The following CHCHD3 variants were observed in gnomAD, a reference collection of about 807,000 sequenced individuals.
The protein encoded by CHCHD3 is coiled-coil-helix-coiled-coil-helix domain containing 3, also known as MICOS complex subunit MIC19.
A neutral mutation model predicts 38.2 loss-of-function variants in CHCHD3; 20 were observed. That is an observed-to-expected ratio of 0.52 (90% CI 0.37 to 0.76). CHCHD3 has a LOEUF of 0.76. Among genes scored for constraint, CHCHD3 ranks in the 30% least tolerant of loss-of-function variants. The probability of loss-of-function intolerance (pLI) is 0.00; values close to 1 mark genes in which losing one functional copy is unlikely to be tolerated. For synonymous variants in CHCHD3, 82 were observed against 100.0 expected, an observed-to-expected ratio of 0.82 and a Z score of 1.07; for missense variants, 245 against 279.2, an observed-to-expected ratio of 0.88 and a Z score of 0.87.
intron 4 of CHCHD3, among the ~76,000 whole-genome samples, chr7:132,965,564 T>C (rs1274775081): frequency 6.6e-6 from 1 of 152,178 alleles, no homozygotes; most frequent in African/African-American, 2.4e-5. Flanking sequence ...TGTGATGCCT[T>C]TGGGGCTCAG....
intron 4 of CHCHD3, among the ~76,000 whole-genome samples, chr7:132,960,057 T>C (rs747661187): frequency 6.6e-6 from 1 of 152,172 alleles, no homozygotes. Context: ...GCAGCAACCT[T>C]TGTTGCAATC....
chr7:133,030,012 G>GAA (rs201845501), intron 2 of CHCHD3, among the ~76,000 whole-genome samples: 1 of 136,394 alleles, frequency 7.3e-6, no homozygotes, highest in African/African-American at 2.7e-5. Context: ...TCCAGAAAAG[G>GAA]AAAAAAAAAA....
At chr7:133,004,551 T>C (rs1812652060) in intron 3 of CHCHD3, among the ~76,000 whole-genome samples, 1 of 152,152 alleles carries the variant, frequency 6.6e-6, no homozygotes, top group Non-Finnish European at 1.5e-5. Context: ...TGGTAGAAAC[T>C]CAGCTTTCTG....
intron 5 of CHCHD3, among the ~76,000 whole-genome samples, chr7:132,845,467 A>C (rs1808054688): frequency 6.6e-6 from 1 of 152,202 alleles, no homozygotes; most frequent in South Asian, 2.1e-4. Context: ...CTGTTCCTTA[A>C]GACGGATGGG....
At chr7:132,969,850 C>A (rs1221440952) in intron 4 of CHCHD3, among the ~76,000 whole-genome samples, 4 of 152,152 alleles carry the variant, frequency 2.6e-5, no homozygotes, top group African/African-American at 7.2e-5. Context: ...ACTAAATGGA[C>A]CCCCTCTTGG....
chr7:132,787,875 G>A (rs1355419688), intron 7 of CHCHD3, among the ~76,000 whole-genome samples: 1 of 152,122 alleles, frequency 6.6e-6, no homozygotes, highest in Non-Finnish European at 1.5e-5. Flanking sequence ...CATACAGGAG[G>A]TAAATTAGAA....
chr7:133,017,425 T>A (rs1813059013), intron 3 of CHCHD3, among the ~76,000 whole-genome samples: 1 of 152,214 alleles, frequency 6.6e-6, no homozygotes, highest in Admixed American at 6.5e-5. Context: ...ACTGAGTACA[T>A]TAAAACTCCA....
At chr7:132,932,496 C>T (rs149442724) in intron 4 of CHCHD3, among the ~76,000 whole-genome samples, 1 of 152,306 alleles carries the variant, frequency 6.6e-6, no homozygotes, top group East Asian at 1.9e-4. Flanking sequence ...CCCTGGAAGG[C>T]ACTGCTTATT....
intron 4 of CHCHD3, among the ~76,000 whole-genome samples, chr7:132,926,288 G>C (rs1338100514): frequency 6.6e-6 from 1 of 152,196 alleles, no homozygotes; most frequent in African/African-American, 2.4e-5. Context: ...GGGGTAGCAA[G>C]GAGAATAGCT....
At chr7:132,892,968 C>A (rs1809402821) in intron 4 of CHCHD3, among the ~76,000 whole-genome samples, 1 of 152,226 alleles carries the variant, frequency 6.6e-6, no homozygotes, top group Admixed American at 6.5e-5. Context: ...TAGGGCAGTG[C>A]AGAAGGGAAA....
intron 4 of CHCHD3, among the ~76,000 whole-genome samples, chr7:132,929,952 C>A (rs560280555): frequency 1.4e-4 from 22 of 152,282 alleles, no homozygotes; most frequent in African/African-American, 5.1e-4. Context: ...TTTGGATTTA[C>A]TCTGTGAGAA....
intron 4 of CHCHD3, among the ~76,000 whole-genome samples, chr7:132,933,161 T>C (rs1164488409): frequency 2.6e-5 from 4 of 152,206 alleles, no homozygotes; most frequent in Non-Finnish European, 5.9e-5. Context: ...AGAACAGTTA[T>C]TTTGCATCAA....
chr7:132,957,073 G>A (rs1811192920), intron 4 of CHCHD3, among the ~76,000 whole-genome samples: 2 of 152,130 alleles, frequency 1.3e-5, no homozygotes, highest in African/African-American at 4.8e-5. Flanking sequence ...CTTGTTCTCT[G>A]TTCAGCAATC....
Position 133,041,208 on chromosome 7 carries a change from GAT to G in CHCHD3, c.170-16583_170-16582del, listed in dbSNP as rs1813828485. Among the ~76,000 whole-genome samples the G allele has an allele frequency of 2.0e-5, 3 of 152,274 alleles. No individual in the cohort carries two copies. The East Asian group carries it at 5.8e-4, about 29-fold the overall frequency. ...AATTATACAAGTATCCAGGTAATAA[GAT>G]TGTTGTGAGAATTATATCACCTTCT... On this transcript the variant is annotated intron_variant, in intron 2 of 7. Coordinates refer to ENST00000262570, the MANE Select transcript of CHCHD3 (RefSeq NM_017812.4).
chr7:133,046,035 A>T (rs1317964827), intron 2 of CHCHD3, among the ~76,000 whole-genome samples: 1 of 152,196 alleles, frequency 6.6e-6, no homozygotes, highest in Non-Finnish European at 1.5e-5. Context: ...ATTTCTTTAT[A>T]GCAGTGCAAG....
At chr7:132,808,736 CT>C (rs11339560) in intron 6 of CHCHD3, among the ~76,000 whole-genome samples, 60,641 of 147,862 alleles carry the variant, frequency 0.41, 12,331 homozygotes, top group Middle Eastern at 0.52. Flanking sequence ...ATTTATTTTC[CT>C]TTTTTTTTTT....
chr7:132,947,907 A>G (rs1015500709), intron 4 of CHCHD3, among the ~76,000 whole-genome samples: 1 of 152,094 alleles, frequency 6.6e-6, no homozygotes, highest in Admixed American at 6.6e-5. Context: ...TGACATACAG[A>G]TATCATTTAA....
At chr7:132,797,627 G>A (rs766164287) in intron 6 of CHCHD3, among the ~76,000 whole-genome samples, 1 of 152,078 alleles carries the variant, frequency 6.6e-6, no homozygotes, top group Non-Finnish European at 1.5e-5. Flanking sequence ...ATACAAATCG[G>A]TGCAAAGAAA....
At chr7:132,929,970 C>T (rs1420660273) in intron 4 of CHCHD3, among the ~76,000 whole-genome samples, 1 of 152,098 alleles carries the variant, frequency 6.6e-6, no homozygotes, top group African/African-American at 2.4e-5. Context: ...GAAACTAAGG[C>T]AAGAGAAAGC....
Sources: gnomAD v4.1 joint callset for allele counts (sites outside exome capture counted in the v4.1 genomes callset) on GRCh38, gnomAD v4.1.1 for gene constraint, MANE v1.5 for transcripts, NCBI Gene and HGNC (gene_info 2026-07-23, HGNC 2026-07-21) for gene names.